USP24: variants seen among roughly 807,000 people sequenced by gnomAD.
The protein encoded by USP24 is ubiquitin carboxyl-terminal hydrolase 24.
USP24 carries 97 observed loss-of-function variants against 361.6 expected under a neutral mutation model. That is an observed-to-expected ratio of 0.27 (90% CI 0.23 to 0.32). The LOEUF (loss-of-function observed/expected upper bound fraction) is 0.32, where lower values mean the gene tolerates loss of function less well. Among genes scored for constraint, USP24 ranks in the 10% least tolerant of loss-of-function variants. The probability of loss-of-function intolerance (pLI) is 1.00; values close to 1 mark genes in which losing one functional copy is unlikely to be tolerated. For synonymous variants in USP24, 1,098 were observed against 1,124.6 expected, an observed-to-expected ratio of 0.98 and a Z score of 0.47; for missense variants, 2,353 against 3,165.6, an observed-to-expected ratio of 0.74 and a Z score of 6.16.
At chr1:55,137,439 C>A in intron 28 of USP24, 76 bp downstream of exon 28, 1 of 1,460,956 alleles carries the variant, frequency 6.8e-7, no homozygotes, top group South Asian at 1.4e-5. Context: ...ATTTGTTATA[C>A]AGTTTGGAAG....
chr1:55,097,312 C>T (rs1319662766), intron 48 of USP24, 140 bp from the exon 49 acceptor site: 1 of 1,132,440 alleles, frequency 8.8e-7, no homozygotes, highest in South Asian at 1.7e-5. Flanking sequence ...AGTATAAAAT[C>T]TCAGAAATGT....
intron 1 of USP24, among the ~76,000 whole-genome samples, chr1:55,208,129 T>C (rs1047563602): frequency 1.3e-5 from 2 of 152,164 alleles, no homozygotes; most frequent in South Asian, 2.1e-4. Context: ...ATATATTCCA[T>C]TAACCAGCTT....
At chr1:55,157,831 C>A (rs1391382826) in intron 10 of USP24, among the ~76,000 whole-genome samples, 1 of 141,186 alleles carries the variant, frequency 7.1e-6, no homozygotes, top group African/African-American at 2.7e-5. Context: ...GAGACTCCAT[C>A]TCAAAAAAAA....
chr1:55,154,083 C>T (rs781167912), intron 15 of USP24, 36 bp downstream of exon 15: 4 of 1,611,778 alleles, frequency 2.5e-6, no homozygotes, highest in East Asian at 2.2e-5. Context: ...AATACTGTTG[C>T]TCTAACAACA....
At position 55,123,480 on chromosome 1, in the gene USP24, C is replaced by G. The variant is rs759526905; in HGVS notation, c.4243G>C (p.Val1415Leu). The G allele has an allele frequency of 1.9e-6, 3 of 1,599,872 alleles. No individual in the cohort carries two copies. The highest frequency in any genetic ancestry group is 1.7e-6 in the Non-Finnish European group (2 of 1,173,324). The change falls in exon 36 of 68, where the codon GTT becomes CTT. Residue 1415 changes from valine (V) to leucine (L), a missense_variant. Val to Leu is a conservative substitution (Grantham distance 32). Around this residue, in one of 8 missense-constraint regions of USP24, gnomAD observed 949 missense variants for 1,280.5 expected, o/e 0.74. Transcript: ENST00000294383. The part of the protein sequence containing the change: ...LIAGEALSLL[V>L]TCLQLRSQQL... ...TGGCTCCGAAGCTGTAGGCACGTAA[C>G]AAGAAGAGACAAAGCCTCTCCCGCA...
intron 16 of USP24, among the ~76,000 whole-genome samples, chr1:55,150,803 T>C (rs1310908340): frequency 2.6e-5 from 4 of 152,220 alleles, no homozygotes; most frequent in Non-Finnish European, 5.9e-5. Context: ...ATCTATGACG[T>C]GGTGACAAGT....
At chr1:55,133,266 G>A (rs1646641910) in intron 30 of USP24, among the ~76,000 whole-genome samples, 1 of 152,036 alleles carries the variant, frequency 6.6e-6, no homozygotes, top group African/African-American at 2.4e-5. Flanking sequence ...TTCAATATAT[G>A]GATAAATCCC....
chr1:55,214,937 G>A lies in USP24; in HGVS notation c.177C>T (p.Gly59=), dbSNP rs764993498. 4 of 1,379,670 alleles carry A rather than the reference G, an allele frequency of 2.9e-6. No homozygotes were observed. Among genetic ancestry groups the A allele is most frequent in the South Asian group, 1.5e-5 (1 of 65,704 alleles). The allele number at this position is 1,379,670 out of a possible 1,614,324, so 85.5% of individuals were successfully genotyped here. The part of the protein sequence containing the change: ...DYGGYEPMDS[G]GGPSPGPGGG... Reference sequence around the variant, plus strand: ...CGCCGGGCCCGGGGCTGGGGCCACCGCCGCTGTCCATGGGCTCGTAGCCGC... The same window carrying A: ...CGCCGGGCCCGGGGCTGGGGCCACCACCGCTGTCCATGGGCTCGTAGCCGC... The change falls in exon 1 of 68, where the codon GGC becomes GGT. Residue 59 remains glycine (G), a synonymous_variant. Transcript: ENST00000294383.
rs149999620 is a variant in USP24, at chr1:55,174,666, C to T, written c.558+1710G>A. Among the ~76,000 whole-genome samples, 383 of 152,378 alleles carry T rather than the reference C, an allele frequency of 2.5e-3. 2 individuals are homozygous for T. Among genetic ancestry groups the T allele is most frequent in the African/African-American group, 8.4e-3 (349 of 41,592 alleles). On this transcript the variant is annotated intron_variant, in intron 3 of 67. Coordinates refer to ENST00000294383, the MANE Select transcript of USP24 (RefSeq NM_015306.3). ...GGACTGGATACACGGATTTCTGGATCTGGAGATCCTCAACCTTGAATAAGT... is the reference window on the plus strand; with the variant it reads ...GGACTGGATACACGGATTTCTGGATTTGGAGATCCTCAACCTTGAATAAGT...
rs1407193948 is a variant in USP24 at position 55,123,451 on chromosome 1, T to C, written c.4272A>G (p.Gln1424=). 1.3e-6 allele frequency: 2 copies of C among 1,586,384 alleles called. No individual in the cohort carries two copies. Among genetic ancestry groups the C allele is most frequent in the Admixed American group, 1.8e-5 (1 of 56,496 alleles). The change falls in exon 36 of 68, where the codon CAA becomes CAG. Residue 1424 remains glutamine, a synonymous_variant. Coordinates refer to ENST00000294383, the MANE Select transcript of USP24 (RefSeq NM_015306.3). ...ACAAACAAGCCTCCAGCATACCCAG[T>C]TGCTGGCTCCGAAGCTGTAGGCACG... The part of the protein sequence containing the change: ...LVTCLQLRSQ[Q]LASFYNLPCV...
Position 55,124,477 on chromosome 1 carries a change from C to T in USP24, c.4112G>A (p.Ser1371Asn), listed in dbSNP as rs374827779. 6.3e-5 allele frequency: 101 copies of T among 1,611,342 alleles called. No homozygotes were observed. In the Middle Eastern group the frequency reaches 6.6e-4, roughly 11 times the overall value. ...LCPAGIRNRLSSSGSNCSSGS... is the reference protein window; with the variant it reads ...LCPAGIRNRLNSSGSNCSSGS... The stretch of plus-strand genomic sequence containing the variant: ...CTCTTTTTAATCAGTACCTGAACTG[C>T]TGAGTCTGTTTCGAATTCCAGCAGG... The change falls in exon 35 of 68, where the codon AGC (serine) becomes AAC (asparagine). Residue 1371 changes from serine (S) to asparagine (N), a missense_variant. By Grantham distance (46) the Ser-to-Asn change is conservative (BLOSUM62 1). Transcript: ENST00000294383.
At chr1:55,129,784 C>T (rs567118894) in intron 31 of USP24, among the ~76,000 whole-genome samples, 1 of 152,214 alleles carries the variant, frequency 6.6e-6, no homozygotes, top group South Asian at 2.1e-4. Context: ...TCTTTCCGTT[C>T]TAGAGAAAGC....
At chr1:55,159,505 T>C (rs1648044524) in intron 9 of USP24, 106 bp downstream of exon 9, 2 of 931,178 alleles carry the variant, frequency 2.1e-6, no homozygotes, top group South Asian at 1.6e-5. Flanking sequence ...TGTGAATGCA[T>C]GTGACCAGAA....
rs369130303 is a variant in USP24 at position 55,158,977 on chromosome 1, T to C, written c.1128A>G (p.Gln376=). 6.3e-6 allele frequency: 10 copies of C among 1,594,744 alleles called. No individual in the cohort carries two copies. The highest frequency in any genetic ancestry group is 1.3e-5 in the African/African-American group (1 of 74,532). The change falls in exon 10 of 68, where the codon CAA becomes CAG. Residue 376 remains glutamine (Q), a synonymous_variant. Transcript: ENST00000294383. ...CATCCACAATTGTCACCAGATCCGG[T>C]TGGAAGCGCATGCAAAGTAACTTAA... ...SAVKLLCMRF[Q]PDLVTIVDDL...
chr1:55,155,812 G>A (rs1454892400), intron 12 of USP24, among the ~76,000 whole-genome samples: 1 of 152,164 alleles, frequency 6.6e-6, no homozygotes, highest in Admixed American at 6.5e-5. Flanking sequence ...GGCTGTGGCT[G>A]CAAGGGACTC....
intron 32 of USP24, 134 bp downstream of exon 32, chr1:55,129,343 T>C: frequency 1.7e-6 from 1 of 598,166 alleles, no homozygotes; most frequent in East Asian, 2.9e-5. Context: ...TGAAACATCA[T>C]TCCTTCTTAT....
Position 55,101,581 on chromosome 1 carries a change from C to T in USP24, c.5145+3G>A, listed in dbSNP as rs1266013836. ...ACCAAAAAGGATAGAAAAAAGAAATCACCTCAGGGAGCCCAGGTTGCATAT... is the reference window on the plus strand; with the variant it reads ...ACCAAAAAGGATAGAAAAAAGAAATTACCTCAGGGAGCCCAGGTTGCATAT... On this transcript the variant is annotated splice_donor_region_variant and intron_variant, in intron 43 of 67. Coordinates refer to ENST00000294383, the MANE Select transcript of USP24 (RefSeq NM_015306.3). 6.2e-7 allele frequency: 1 copy of T among 1,605,346 alleles called. No homozygotes were observed. Among genetic ancestry groups the T allele is most frequent in the Non-Finnish European group, 8.5e-7 (1 of 1,175,774 alleles).
chr1:55,083,814 G>A lies in USP24; in HGVS notation c.6840C>T (p.Asn2280=), dbSNP rs1484934079. ...TGAACAGGAAAAAGTACTGAGCACA[G>A]TTTTTACAATTTTCTGGGACGTCTT... The part of the protein sequence containing the change: ...LDKDVPENCK[N]CAQYFFLFNT... The change falls in exon 57 of 68, where the codon AAC becomes AAT. Residue 2280 remains asparagine, a synonymous_variant. Transcript: ENST00000294383. 1.2e-6 allele frequency: 2 copies of A among 1,604,264 alleles called. No homozygotes were observed. The highest frequency in any genetic ancestry group is 2.2e-5 in the South Asian group (2 of 89,022).
intron 1 of USP24, among the ~76,000 whole-genome samples, chr1:55,191,726 G>GT (rs1557691995): frequency 1.3e-5 from 2 of 151,890 alleles, no homozygotes; most frequent in African/African-American, 4.8e-5. Context: ...TCCTGACCTC[G>GT]TGATCTGCCC....
Sources: gnomAD v4.1 joint callset for allele counts (sites outside exome capture counted in the v4.1 genomes callset) on GRCh38, gnomAD v4.1.1 for gene constraint, gnomAD v4.1.1 regional missense constraint, MANE v1.5 for transcripts, NCBI Gene and HGNC (gene_info 2026-07-23, HGNC 2026-07-21) for gene names.